KIF9: variants seen among roughly 807,000 people sequenced by gnomAD.
KIF9 encodes the protein kinesin family member 9.
KIF9 carries 68 observed loss-of-function variants against 94.8 expected under a neutral mutation model. The observed-to-expected ratio is 0.72, with a 90% CI of 0.59 to 0.88. KIF9 has a LOEUF of 0.88. Among genes scored for constraint, KIF9 ranks in the 40% least tolerant of loss-of-function variants. The pLI is 0.00. For missense variants in KIF9, 882 were observed against 982.5 expected (o/e 0.90, Z 1.37); for synonymous variants, 343 against 362.1 (o/e 0.95, Z 0.60).
At chr3:47,254,575 C>T (rs892403105) in intron 10 of KIF9, among the ~76,000 whole-genome samples, 2 of 152,212 alleles carry the variant, frequency 1.3e-5, no homozygotes, top group East Asian at 1.9e-4. Flanking sequence ...CGTGCCACTA[C>T]ACTCCAGCCT....
chr3:47,261,741 G>A (rs1314771343), intron 9 of KIF9, among the ~76,000 whole-genome samples: 1 of 152,186 alleles, frequency 6.6e-6, no homozygotes, highest in African/African-American at 2.4e-5. Context: ...TTGATAAGGT[G>A]TATATGCGCT....
Position 47,281,117 on chromosome 3 carries a change from T to C in KIF9, c.-6+1378A>G, listed in dbSNP as rs779530397. The stretch of plus-strand genomic sequence containing the variant: ...CAGCACAGAGTAGGTATTCAGGAAA[T>C]GGCGGTGGTTGGTGATGGTAATGGC... On this transcript the variant is annotated intron_variant, in intron 1 of 20. Coordinates refer to ENST00000684063, the MANE Select transcript of KIF9 (RefSeq NM_182902.4). The C allele has an allele frequency of 2.1e-3, 1,397 of 673,622 alleles. 24 individuals are homozygous for C. Among genetic ancestry groups the C allele is most frequent in the Non-Finnish European group, 8.0e-4 (298 of 370,196 alleles). The allele number at this position is 673,622 out of a possible 1,614,324, so 41.7% of individuals were successfully genotyped here.
At chr3:47,228,947 G>A (rs927487069) in intron 20 of KIF9, among the ~76,000 whole-genome samples, 14 of 152,168 alleles carry the variant, frequency 9.2e-5, no homozygotes, top group Non-Finnish European at 2.1e-4. Context: ...TATTTGAAAG[G>A]AGGCATATAG....
intron 20 of KIF9, among the ~76,000 whole-genome samples, chr3:47,235,208 C>T (rs1051675541): frequency 5.9e-5 from 9 of 152,156 alleles, no homozygotes; most frequent in African/African-American, 1.9e-4. Flanking sequence ...CAGAGTGGAC[C>T]CCGTTGGAGA....
At chr3:47,282,148 C>G in intron 1 of KIF9, 1 of 974,806 alleles carries the variant, frequency 1.0e-6, no homozygotes, top group South Asian at 4.7e-5. Flanking sequence ...ACCTGTAACA[C>G]GAAGGGCTCC....
At chr3:47,256,585 GC>G (rs1243606477) in intron 10 of KIF9, among the ~76,000 whole-genome samples, 1 of 150,408 alleles carries the variant, frequency 6.6e-6, no homozygotes, top group African/African-American at 2.4e-5. Flanking sequence ...CTGCCCGGCC[GC>G]CCCTGCTGGG....
Position 47,241,124 on chromosome 3 carries a change from G to C in KIF9, c.1710-109C>G, listed in dbSNP as rs2107155147. ...ACTTCTGTGGCCAGGAGGCAGAAGT[G>C]CTAGGCACCACCTACCCAAGACAGG... On this transcript the variant is annotated intron_variant, in intron 16 of 20. Transcript: ENST00000684063. The C allele has an allele frequency of 3.3e-6, 3 of 909,364 alleles. No homozygotes were observed. In the East Asian group the frequency reaches 7.2e-5, roughly 22 times the overall value. The allele number at this position is 909,364 out of a possible 1,614,324, so 56.3% of individuals were successfully genotyped here. A position where few individuals can be genotyped will look rare whatever the true frequency, so the allele number is the denominator to read the frequency against.
intron 9 of KIF9, among the ~76,000 whole-genome samples, chr3:47,262,484 G>T (rs1701041735): frequency 6.6e-6 from 1 of 152,056 alleles, no homozygotes; most frequent in African/African-American, 2.4e-5. Context: ...TGGCCAGGCT[G>T]GTCTCAAACT....
intron 3 of KIF9, among the ~76,000 whole-genome samples, chr3:47,274,555 C>G (rs1701842845): frequency 1.3e-5 from 2 of 152,234 alleles, no homozygotes; most frequent in African/African-American, 4.8e-5. Flanking sequence ...GATTCAGCAT[C>G]TGAGTTGGAG....
rs566449300 is a variant in KIF9, at chr3:47,273,571, A to T, written c.347T>A (p.Leu116His). The change falls in exon 4 of 21, where the codon CTC becomes CAC. Residue 116 changes from leucine to histidine, a missense_variant. Coordinates refer to ENST00000684063, the MANE Select transcript of KIF9 (RefSeq NM_182902.4). ...ATENYKHRGI[L>H]PRALQQVFRM... The stretch of plus-strand genomic sequence containing the variant: ...CTCTACCTGCTGCAGGGCACGAGGG[A>T]GGATCCCCCGGTGCTTGTAATTCTC... 19 of 1,609,640 alleles carry T rather than the reference A, an allele frequency of 1.2e-5. No individual in the cohort carries two copies. In the Admixed American group the frequency reaches 2.7e-4, roughly 23 times the overall value.
intron 20 of KIF9, among the ~76,000 whole-genome samples, chr3:47,232,234 T>A (rs1698643019): frequency 6.6e-6 from 1 of 152,178 alleles, no homozygotes. Flanking sequence ...TGCCTTGATG[T>A]TATACTTGCC....
At chr3:47,273,203 T>C (rs1009983920) in intron 4 of KIF9, among the ~76,000 whole-genome samples, 7 of 152,130 alleles carry the variant, frequency 4.6e-5, no homozygotes, top group Non-Finnish European at 1.0e-4. Flanking sequence ...ATGCCCCTCA[T>C]TAAAACCAGG....
chr3:47,277,830 T>G (rs1266825724), intron 1 of KIF9, among the ~76,000 whole-genome samples: 1 of 152,130 alleles, frequency 6.6e-6, no homozygotes, highest in East Asian at 1.9e-4. Context: ...AGCATCCTCT[T>G]CTCCAGTAGA....
intron 17 of KIF9, among the ~76,000 whole-genome samples, chr3:47,237,516 A>C (rs1699122343): frequency 6.6e-6 from 1 of 152,228 alleles, no homozygotes; most frequent in East Asian, 1.9e-4. Flanking sequence ...AAGGTCTGTC[A>C]GTTCAGTGAC....
At chr3:47,238,909 C>T (rs1377432938) in intron 17 of KIF9, among the ~76,000 whole-genome samples, 1 of 152,166 alleles carries the variant, frequency 6.6e-6, no homozygotes, top group African/African-American at 2.4e-5. Context: ...GTGATCTGCC[C>T]GCCTCGGCCT....
chr3:47,235,765 A>G (rs1698977481), intron 19 of KIF9, 148 bp from the exon 20 acceptor site: 2 of 679,312 alleles, frequency 2.9e-6, no homozygotes, highest in East Asian at 2.7e-5. Flanking sequence ...TCCAGCCCCC[A>G]TGTCTGTCAG....
chr3:47,242,798 C>T (rs1334801892), intron 16 of KIF9, among the ~76,000 whole-genome samples: 1 of 152,088 alleles, frequency 6.6e-6, no homozygotes, highest in Non-Finnish European at 1.5e-5. Context: ...AGATACATAA[C>T]TTTAATTATT....
chr3:47,248,547 A>G (rs186406695), intron 10 of KIF9, among the ~76,000 whole-genome samples: 2 of 151,878 alleles, frequency 1.3e-5, no homozygotes, highest in East Asian at 1.9e-4. Flanking sequence ...GGTTCAAGTG[A>G]TTCTCTTGGC....
intron 3 of KIF9, 65 bp downstream of exon 3, chr3:47,275,260 T>C (rs1401915976): frequency 1.7e-6 from 2 of 1,200,084 alleles, no homozygotes; most frequent in Non-Finnish European, 1.2e-6. Context: ...TTATTCACCA[T>C]AAAATATTTG....
Sources: gnomAD v4.1 joint callset for allele counts (sites outside exome capture counted in the v4.1 genomes callset) on GRCh38, gnomAD v4.1.1 for gene constraint, MANE v1.5 for transcripts, NCBI Gene and HGNC (gene_info 2026-07-23, HGNC 2026-07-21) for gene names.